The following RB1 variants were observed in gnomAD, a reference collection of about 807,000 sequenced individuals.
RB1 encodes retinoblastoma-associated protein.
A neutral mutation model predicts 135.4 loss-of-function variants in RB1; 18 were observed. That is an observed-to-expected ratio of 0.13 (90% confidence interval 0.09 to 0.20). The LOEUF (loss-of-function observed/expected upper bound fraction) is 0.20. Among genes scored for constraint, RB1 ranks in the 10% least tolerant of loss-of-function variants. The pLI is 1.00. For missense variants in RB1, 868 were observed against 1,110.0 expected (o/e 0.78, Z 3.10); for synonymous variants, 365 against 373.2 (o/e 0.98, Z 0.25).
intron 17 of RB1, chr13:48,404,387 A>G (rs1235630459): frequency 6.6e-6 from 1 of 152,156 alleles, no homozygotes; most frequent in African/African-American, 2.4e-5. Context: ...ATATTTATTC[A>G]TTACCATAAG....
At chr13:48,331,868 A>G (rs754506805) in intron 2 of RB1, among the ~76,000 whole-genome samples, 3 of 152,226 alleles carry the variant, frequency 2.0e-5, no homozygotes, top group Non-Finnish European at 4.4e-5. Flanking sequence ...AGATGTATAG[A>G]TAAAATGTGG....
At chr13:48,317,133 C>T in intron 2 of RB1, 1 of 897,924 alleles carries the variant, frequency 1.1e-6, no homozygotes, top group African/African-American at 1.7e-5. Context: ...AGGGCTGGGC[C>T]CGGCCTGGGC....
In RB1 at chr13:48,382,907, A is replaced by G. The variant is rs1233150180; in HGVS notation, c.1695+1464A>G. The stretch of plus-strand genomic sequence containing the variant: ...GGAAGGGATCCAGTTTCAGCTTTCT[A>G]CATATGGCTGGCCAGTTTTCCCAGC... On this transcript the variant is annotated intron_variant, in intron 17 of 26. Transcript: ENST00000267163. Among the ~76,000 whole-genome samples the G allele has an allele frequency of 4.6e-5, 7 of 152,172 alleles. No homozygotes were observed. In the South Asian group the frequency reaches 6.2e-4, roughly 14 times the overall value.
At chr13:48,435,998 C>A (rs1243091036) in intron 17 of RB1, among the ~76,000 whole-genome samples, 2 of 152,100 alleles carry the variant, frequency 1.3e-5, no homozygotes, top group African/African-American at 4.8e-5. Flanking sequence ...CAACTCTATG[C>A]TATCTAAAAG....
chr13:48,353,993 G>A (rs545355933), intron 6 of RB1, among the ~76,000 whole-genome samples: 10 of 152,110 alleles, frequency 6.6e-5, no homozygotes, highest in Middle Eastern at 3.4e-3. Flanking sequence ...TACTTAATGG[G>A]GAAAAATTGA....
At chr13:48,423,317 C>T (rs1949033365) in intron 17 of RB1, among the ~76,000 whole-genome samples, 1 of 151,968 alleles carries the variant, frequency 6.6e-6, no homozygotes, top group African/African-American at 2.4e-5. Flanking sequence ...CTCTGTCATC[C>T]AGGCTGGAGT....
intron 6 of RB1, 36 bp downstream of exon 6, chr13:48,349,059 A>G (rs1274385499): frequency 6.4e-7 from 1 of 1,560,370 alleles, no homozygotes; most frequent in Non-Finnish European, 8.7e-7. Flanking sequence ...CTAATATTTC[A>G]AATGTAATAA....
intron 2 of RB1, among the ~76,000 whole-genome samples, chr13:48,325,641 A>G (rs1196910903): frequency 1.3e-5 from 2 of 152,110 alleles, no homozygotes; most frequent in Non-Finnish European, 2.9e-5. Flanking sequence ...TTAGCAATAT[A>G]TCTTGAAGAG....
At position 48,480,217 on chromosome 13, in the gene RB1, T is replaced by C. The variant is rs1379724508; in HGVS notation, c.*146T>C. Reference sequence around the variant, plus strand: ...GTGGATATAAAATGTGCAGATGCAATTGTTTGGGTGATTCCTAAGCCACTT... The same window carrying C: ...GTGGATATAAAATGTGCAGATGCAACTGTTTGGGTGATTCCTAAGCCACTT... On this transcript the variant is annotated 3_prime_UTR_variant, in exon 27 of 27. Coordinates refer to ENST00000267163, the MANE Select transcript of RB1 (RefSeq NM_000321.3). 1.4e-6 allele frequency: 1 copy of C among 705,644 alleles called. No homozygotes were observed. The highest frequency in any genetic ancestry group is 2.2e-5 in the Admixed American group (1 of 45,930). The allele number at this position is 705,644 out of a possible 1,614,324, so 43.7% of individuals were successfully genotyped here. A position where few individuals can be genotyped will look rare whatever the true frequency, so the allele number is the denominator to read the frequency against.
At chr13:48,326,876 G>A (rs896297146) in intron 2 of RB1, among the ~76,000 whole-genome samples, 9 of 151,548 alleles carry the variant, frequency 5.9e-5, no homozygotes, top group Non-Finnish European at 8.8e-5. Context: ...AAAAAAGTTC[G>A]TATACAATAC....
intron 17 of RB1, chr13:48,429,478 G>A (rs566109315): frequency 6.6e-6 from 1 of 152,252 alleles, no homozygotes; most frequent in South Asian, 2.1e-4. Flanking sequence ...TAGAAGGATT[G>A]TGTCTCTAGG....
At chr13:48,343,989 C>CTA (rs1952470243) in intron 3 of RB1, among the ~76,000 whole-genome samples, 2 of 152,144 alleles carry the variant, frequency 1.3e-5, no homozygotes, top group South Asian at 4.1e-4. Flanking sequence ...TGAGTGAGGG[C>CTA]TATAACTCAT....
At chr13:48,388,409 C>T (rs969238295) in intron 17 of RB1, among the ~76,000 whole-genome samples, 8 of 152,130 alleles carry the variant, frequency 5.3e-5, no homozygotes, top group African/African-American at 1.4e-4. Flanking sequence ...GTGTCTGGAA[C>T]TTAGGAAAGA....
chr13:48,317,018 C>T (rs887641103), intron 2 of RB1: 1 of 572,874 alleles, frequency 1.7e-6, no homozygotes, highest in Non-Finnish European at 2.9e-6. Flanking sequence ...TGCTTTCCTC[C>T]GAGCCCGAGT....
intron 11 of RB1, among the ~76,000 whole-genome samples, chr13:48,371,537 A>G (rs77152040): frequency 0.012 from 1,795 of 152,298 alleles, 37 homozygotes; most frequent in African/African-American, 0.037. Context: ...TGAAGGAACA[A>G]TAACAGATTT....
intron 21 of RB1, among the ~76,000 whole-genome samples, chr13:48,464,568 TG>T (rs1297068937): frequency 2.6e-5 from 4 of 152,114 alleles, no homozygotes; most frequent in African/African-American, 2.4e-5. Context: ...CCTTATAGAT[TG>T]GGGGGGATAC....
chr13:48,422,244 A>G (rs1454463212), intron 17 of RB1, among the ~76,000 whole-genome samples: 1 of 152,136 alleles, frequency 6.6e-6, no homozygotes, highest in Non-Finnish European at 1.5e-5. Context: ...GGAAACCATC[A>G]CTTTCAGCAA....
At chr13:48,444,779 C>G (rs1195718419) in intron 17 of RB1, 1 of 152,080 alleles carries the variant, frequency 6.6e-6, no homozygotes, top group East Asian at 1.9e-4. Context: ...AAAACCATCT[C>G]TGGGGAGGGT....
At chr13:48,372,448 A>G (rs1034200247) in intron 11 of RB1, among the ~76,000 whole-genome samples, 4 of 152,152 alleles carry the variant, frequency 2.6e-5, no homozygotes, top group Admixed American at 1.3e-4. Flanking sequence ...ACCTGAGGAC[A>G]GGAGTTCGAA....
Sources: allele counts gnomAD v4.1 joint callset (sites outside exome capture counted in the v4.1 genomes callset), GRCh38; gene constraint gnomAD v4.1.1; transcripts MANE v1.5; gene names NCBI Gene and HGNC (gene_info 2026-07-23, HGNC 2026-07-21).